The following PCDH15 variants were observed in gnomAD, a reference collection of about 807,000 sequenced individuals.
PCDH15 encodes the protein protocadherin related 15, also known as protocadherin-15.
PCDH15 carries 129 observed loss-of-function variants against 178.5 expected under a neutral mutation model. That is an observed-to-expected ratio of 0.72 (90% confidence interval 0.63 to 0.84). The LOEUF (loss-of-function observed/expected upper bound fraction) is 0.84, where lower values mean the gene tolerates loss of function less well. Ranked by LOEUF, PCDH15 falls within the 40% of genes least tolerant of loss-of-function variation. The probability of loss-of-function intolerance (pLI) is 0.00; values close to 1 mark genes in which losing one functional copy is unlikely to be tolerated. For synonymous variants in PCDH15, 800 were observed against 732.0 expected, an observed-to-expected ratio of 1.09 and a Z score of -1.50; for missense variants, 2,230 against 2,099.9, an observed-to-expected ratio of 1.06 and a Z score of -1.21.
At chr10:55,426,718 C>T (rs1488575420) in intron 2 of PCDH15, among the ~76,000 whole-genome samples, 1 of 152,130 alleles carries the variant, frequency 6.6e-6, no homozygotes, top group Admixed American at 6.5e-5. Flanking sequence ...AATGAGGTCT[C>T]ATGAATGAAT....
intron 26 of PCDH15, among the ~76,000 whole-genome samples, chr10:53,896,806 C>A (rs958030761): frequency 3.9e-5 from 6 of 152,136 alleles, no homozygotes; most frequent in African/African-American, 1.4e-4. Context: ...GTTGCACAAA[C>A]CTTATGAGAA....
chr10:54,592,768 A>G (rs1319643523), intron 2 of PCDH15, among the ~76,000 whole-genome samples: 2 of 152,136 alleles, frequency 1.3e-5, no homozygotes, highest in Non-Finnish European at 2.9e-5. Context: ...GAATCTTCAT[A>G]TTGTTTTCCA....
At chr10:54,669,624 T>TA (rs2135486684) in intron 1 of PCDH15, among the ~76,000 whole-genome samples, 1 of 149,464 alleles carries the variant, frequency 6.7e-6, no homozygotes, top group South Asian at 2.2e-4. Flanking sequence ...AATGTTTTTA[T>TA]AGGACACTGT....
intron 2 of PCDH15, among the ~76,000 whole-genome samples, chr10:54,954,450 T>C (rs184073956): frequency 6.6e-6 from 1 of 151,310 alleles, no homozygotes; most frequent in Non-Finnish European, 1.5e-5. Context: ...ATTCCCTTCT[T>C]ACGCTCTTCT....
chr10:54,752,789 T>A (rs147599259), intron 1 of PCDH15, among the ~76,000 whole-genome samples: 3 of 114,986 alleles, frequency 2.6e-5, no homozygotes, highest in Admixed American at 1.7e-4. Flanking sequence ...GCACTCAAAC[T>A]CTTCCACCTT....
At chr10:54,534,910 T>G (rs2084312893) in intron 2 of PCDH15, among the ~76,000 whole-genome samples, 1 of 152,216 alleles carries the variant, frequency 6.6e-6, no homozygotes. Flanking sequence ...AGTTTGATCT[T>G]GAATTTATAA....
intron 2 of PCDH15, among the ~76,000 whole-genome samples, chr10:55,096,847 T>A (rs904597047): frequency 4.6e-5 from 7 of 152,046 alleles, no homozygotes; most frequent in Admixed American, 6.6e-5. Context: ...CTAAAACTTT[T>A]AAAAAACAAT....
At chr10:55,045,984 A>T (rs1435221850) in intron 2 of PCDH15, among the ~76,000 whole-genome samples, 1 of 152,108 alleles carries the variant, frequency 6.6e-6, no homozygotes, top group Non-Finnish European at 1.5e-5. Flanking sequence ...AAACTTTCCC[A>T]GACATGCAAG....
At chr10:54,843,650 G>A (rs1279923747) in intron 3 of PCDH15, among the ~76,000 whole-genome samples, 1 of 151,950 alleles carries the variant, frequency 6.6e-6, no homozygotes, top group East Asian at 1.9e-4. Context: ...ATAACATAGA[G>A]TGAATTTCAT....
intron 2 of PCDH15, among the ~76,000 whole-genome samples, chr10:54,561,980 CT>C (rs575547228): frequency 1.3e-3 from 98 of 75,218 alleles, no homozygotes; most frequent in South Asian, 7.7e-3. Context: ...CCGCACCCAG[CT>C]TTTTTTTTTT....
At chr10:55,059,667 T>G (rs751233375) in intron 2 of PCDH15, among the ~76,000 whole-genome samples, 17 of 152,202 alleles carry the variant, frequency 1.1e-4, no homozygotes, top group Non-Finnish European at 2.1e-4. Flanking sequence ...CAAATTTTCT[T>G]GCTTATAATT....
chr10:54,703,757 C>CAT lies in PCDH15; in HGVS notation c.-28-39469_-28-39468dup, dbSNP rs1365466849. Among the ~76,000 whole-genome samples, 7 of 152,076 alleles carry CAT rather than the reference C, an allele frequency of 4.6e-5. No individual in the cohort carries two copies. In the East Asian group the frequency reaches 1.4e-3, roughly 29 times the overall value. On this transcript the variant is annotated intron_variant, in intron 1 of 37. Transcript: ENST00000644397. ...CATAACGGGAAAAACATTCCATACT[C>CAT]ATATATAGCAAGAATCAATACTGTA...
At chr10:54,768,157 T>G (rs148920236) in intron 1 of PCDH15, among the ~76,000 whole-genome samples, 44 of 152,200 alleles carry the variant, frequency 2.9e-4, no homozygotes, top group African/African-American at 1.0e-3. Context: ...AATATGAATG[T>G]GATTATATGC....
chr10:54,214,852 A>C (rs1315960141), intron 9 of PCDH15, among the ~76,000 whole-genome samples: 6 of 152,158 alleles, frequency 3.9e-5, no homozygotes, highest in Non-Finnish European at 7.4e-5. Context: ...CAGCTTCCCA[A>C]AGTGCTAGAA....
intron 3 of PCDH15, among the ~76,000 whole-genome samples, chr10:54,467,601 G>GTTTTTTTTTTTTTTTTTTTTTT (rs67776985): frequency 4.4e-5 from 2 of 45,670 alleles, no homozygotes; most frequent in African/African-American, 9.1e-5. Flanking sequence ...TCAAGCTGTA[G>GTTTTTTTTTTTTTTTTTTTTTT]TTTTTTTTTT....
chr10:54,050,362 T>C (rs1270849833), intron 18 of PCDH15, among the ~76,000 whole-genome samples: 1 of 152,202 alleles, frequency 6.6e-6, no homozygotes, highest in African/African-American at 2.4e-5. Flanking sequence ...GTGTTCATAA[T>C]AGCATCTGAG....
chr10:54,953,212 A>C (rs1047502262), intron 2 of PCDH15, among the ~76,000 whole-genome samples: 5 of 151,396 alleles, frequency 3.3e-5, no homozygotes, highest in African/African-American at 1.2e-4. Context: ...ATAATTTGCT[A>C]AGTATTTTCA....
At chr10:54,863,797 G>T (rs535416901) in intron 3 of PCDH15, among the ~76,000 whole-genome samples, 3 of 152,124 alleles carry the variant, frequency 2.0e-5, no homozygotes, top group Admixed American at 2.0e-4. Context: ...CAGTGGAACC[G>T]CCAGTCATAA....
At chr10:54,178,047 T>G (rs966370774) in intron 13 of PCDH15, among the ~76,000 whole-genome samples, 1 of 152,180 alleles carries the variant, frequency 6.6e-6, no homozygotes, top group African/African-American at 2.4e-5. Context: ...TATACGTATT[T>G]GAAGAACGTT....
Sources: gnomAD v4.1 joint callset for allele counts (sites outside exome capture counted in the v4.1 genomes callset) on GRCh38, gnomAD v4.1.1 for gene constraint, MANE v1.5 for transcripts, NCBI Gene and HGNC (gene_info 2026-07-23, HGNC 2026-07-21) for gene names.